The following H2BC4 variants were observed in gnomAD, a reference collection of about 807,000 sequenced individuals.
H2BC4 encodes histone H2B type 1-C/E/F/G/I.
H2BC4 carries 10 observed loss-of-function variants against 6.2 expected under a neutral mutation model. That is an observed-to-expected ratio of 1.61 (90% CI 0.99 to 2.73). The LOEUF (loss-of-function observed/expected upper bound fraction) is 2.73, where lower values mean the gene tolerates loss of function less well. H2BC4 is among the 30% of genes most tolerant of loss of function. H2BC4 has a pLI of 0.00. For missense variants in H2BC4, 176 were observed against 168.7 expected, an observed-to-expected ratio of 1.04 and a Z score of -0.24; for synonymous variants, 146 against 70.7, an observed-to-expected ratio of 2.07 and a Z score of -5.35.
At chr6:26,115,296 A>G (rs972011878) in intron 1 of H2BC4, among the ~76,000 whole-genome samples, 2 of 152,176 alleles carry the variant, frequency 1.3e-5, no homozygotes, top group African/African-American at 4.8e-5. Flanking sequence ...ATAGATACCA[A>G]TGCATTTAGT....
At chr6:26,123,410 A>G (rs920097145), downstream of H2BC4, 6 of 1,520,532 alleles carry the variant, frequency 3.9e-6, no homozygotes, top group African/African-American at 7.0e-5. Flanking sequence ...ATATTCTAAT[A>G]CCCCTCCGCC....
downstream of H2BC4, among the ~76,000 whole-genome samples, chr6:26,114,691 T>C (rs1350164698): frequency 1.3e-5 from 2 of 151,966 alleles, no homozygotes; most frequent in Non-Finnish European, 2.9e-5. Flanking sequence ...TCAATTGAAG[T>C]AGTCAATAAC....
At chr6:26,114,852 AT>A (rs1160900298), downstream of H2BC4, 1 of 151,932 alleles carries the variant, frequency 6.6e-6, no homozygotes, top group African/African-American at 2.4e-5. Flanking sequence ...AGTATATATA[AT>A]ATACATATAA....
chr6:26,118,328 AAAG>A, intron 1 of H2BC4, among the ~76,000 whole-genome samples: 1 of 77,046 alleles, frequency 1.3e-5, no homozygotes, highest in African/African-American at 3.4e-5. Context: ...CAGTTTGGTC[AAAG>A]ATCAGTTTGG....
exon 2 of H2BC4, chr6:26,115,122 G>A (rs1021669661): frequency 6.6e-6 from 1 of 152,102 alleles, no homozygotes; most frequent in Non-Finnish European, 1.5e-5. Flanking sequence ...ATGTCTAAAA[G>A]CTGTTGTCTC....
downstream of H2BC4, among the ~76,000 whole-genome samples, chr6:26,122,320 CTT>C (rs1033198833): frequency 2.6e-5 from 4 of 152,154 alleles, no homozygotes; most frequent in Non-Finnish European, 5.9e-5. Context: ...TAAAAATCTG[CTT>C]TAACACTAAT....
chr6:26,118,439 T>C (rs16891325), intron 1 of H2BC4, among the ~76,000 whole-genome samples: 18,082 of 152,252 alleles, frequency 0.12, 1,385 homozygotes, highest in Non-Finnish European at 0.16. Context: ...TATTCTTATT[T>C]AGGAACTTTT....
At chr6:26,123,426 A>T, downstream of H2BC4, 1 of 1,556,310 alleles carries the variant, frequency 6.4e-7, no homozygotes, top group Non-Finnish European at 8.7e-7. Flanking sequence ...CCGCCGCCAA[A>T]TAAAATTTGG....
At position 26,123,895 on chromosome 6, in the gene H2BC4, G is replaced by C; in HGVS notation, c.10C>G (p.Pro4Ala). Residue 4 changes from proline to alanine, a missense_variant, in exon 1 of 1, where the codon CCA becomes GCA. Physicochemically the swap from Pro to Ala is conservative, Grantham distance 27 (BLOSUM62 -1). Coordinates refer to ENST00000396984, the MANE Select transcript of H2BC4 (RefSeq NM_003526.3). MPEPAKSAPAPKKG... is the reference protein window; with the variant it reads MPEAAKSAPAPKKG... ...TTCGGGGCGGGAGCAGACTTGGCTG[G>C]CTCAGGCATCTTAAAACACCAGAAA... 2 of 1,613,540 alleles carry C rather than the reference G, an allele frequency of 1.2e-6. No individual in the cohort carries two copies. Among genetic ancestry groups the C allele is most frequent in the Non-Finnish European group, 1.7e-6 (2 of 1,179,892 alleles).
downstream of H2BC4, chr6:26,123,395 T>TTCC: frequency 6.9e-7 from 1 of 1,457,242 alleles, no homozygotes; most frequent in Non-Finnish European, 9.2e-7. Context: ...CCCTCTCCAG[T>TTCC]TCCTATATTC....
At chr6:26,119,466 A>G (rs1003939268), downstream of H2BC4, among the ~76,000 whole-genome samples, 1 of 152,248 alleles carries the variant, frequency 6.6e-6, no homozygotes, top group Admixed American at 6.5e-5. Context: ...TCTTAAAGTT[A>G]TCATACACTG....
chr6:26,115,851 G>A (rs1763411176), intron 1 of H2BC4, among the ~76,000 whole-genome samples: 1 of 152,106 alleles, frequency 6.6e-6, no homozygotes, highest in Non-Finnish European at 1.5e-5. Flanking sequence ...AAAATCTAGT[G>A]TCCAAGGTTC....
At chr6:26,123,340 T>C (rs1581412830), downstream of H2BC4, 1 of 1,077,916 alleles carries the variant, frequency 9.3e-7, no homozygotes, top group South Asian at 1.7e-5. Context: ...TTCTTTCGGG[T>C]TCAGGACCCT....
downstream of H2BC4, among the ~76,000 whole-genome samples, chr6:26,122,431 C>G (rs1462779186): frequency 1.3e-5 from 2 of 152,182 alleles, no homozygotes; most frequent in African/African-American, 4.8e-5. Context: ...TAGACTACGT[C>G]TAACCCTTCA....
downstream of H2BC4, among the ~76,000 whole-genome samples, chr6:26,123,046 C>A (rs918743230): frequency 2.0e-5 from 3 of 152,180 alleles, no homozygotes; most frequent in Admixed American, 2.0e-4. Flanking sequence ...TGCCCAGGTT[C>A]CCACTCCGGT....
intron 1 of H2BC4, among the ~76,000 whole-genome samples, chr6:26,117,643 T>A (rs1025028250): frequency 1.3e-5 from 2 of 152,234 alleles, no homozygotes; most frequent in African/African-American, 4.8e-5. Context: ...CTCTATAGGC[T>A]CAGGGTAGTT....
chr6:26,116,275 A>G (rs956297545), intron 1 of H2BC4, among the ~76,000 whole-genome samples: 2 of 152,234 alleles, frequency 1.3e-5, no homozygotes, highest in African/African-American at 4.8e-5. Context: ...GAGCAACTGT[A>G]GAAACATGAG....
chr6:26,123,716 C>T lies in H2BC4; in HGVS notation c.189G>A (p.Met63Ile). 4 of 1,614,266 alleles carry T rather than the reference C, an allele frequency of 2.5e-6. No homozygotes were observed. The highest frequency in any genetic ancestry group is 3.4e-6 in the Non-Finnish European group (4 of 1,180,052). Residue 63 changes from methionine (M) to isoleucine (I), a missense_variant, in exon 1 of 1, where the codon ATG becomes ATA. Coordinates refer to ENST00000396984, the MANE Select transcript of H2BC4 (RefSeq NM_003526.3). ...TGISSKAMGI[M>I]NSFVNDIFER... ...CAAATATGTCGTTAACGAAAGAATT[C>T]ATGATGCCCATGGCCTTGGAAGAGA...
At chr6:26,123,245 A>C, downstream of H2BC4, 3 of 494,142 alleles carry the variant, frequency 6.1e-6, no homozygotes, top group East Asian at 4.0e-5. Flanking sequence ...TCTTCCGGGA[A>C]CGCCGAGTTA....
Sources: allele counts gnomAD v4.1 joint callset (sites outside exome capture counted in the v4.1 genomes callset), GRCh38; gene constraint gnomAD v4.1.1; transcripts MANE v1.5; gene names NCBI Gene and HGNC (gene_info 2026-07-23, HGNC 2026-07-21).